Variants in CCDC192 observed in about 807,000 individuals in gnomAD.
CCDC192 encodes coiled-coil domain containing 192, also known as coiled-coil domain-containing protein 192.
At chr5:127,730,848 G>A (rs1031613860) in intron 2 of CCDC192, among the ~76,000 whole-genome samples, 1 of 152,060 alleles carries the variant, frequency 6.6e-6, no homozygotes, top group Non-Finnish European at 1.5e-5. Flanking sequence ...CAATAAACTA[G>A]GTATTGATGG....
chr5:127,828,285 TC>T (rs1374815005), intron 5 of CCDC192, among the ~76,000 whole-genome samples: 1 of 152,182 alleles, frequency 6.6e-6, no homozygotes, highest in Non-Finnish European at 1.5e-5. Flanking sequence ...ATTTAAAGCA[TC>T]CTTCAAGTTC....
intron 5 of CCDC192, among the ~76,000 whole-genome samples, chr5:127,844,840 A>T (rs906165706): frequency 2.0e-5 from 3 of 152,208 alleles, no homozygotes; most frequent in Non-Finnish European, 4.4e-5. Flanking sequence ...TGTCCCTAAA[A>T]TACCAAGAAA....
intron 2 of CCDC192, among the ~76,000 whole-genome samples, chr5:127,740,761 C>G (rs1314061407): frequency 1.3e-5 from 2 of 152,124 alleles, no homozygotes; most frequent in East Asian, 1.9e-4. Context: ...AAGCCACAAT[C>G]AACTTGGGCA....
chr5:127,910,264 A>G (rs1302661275), intron 6 of CCDC192, among the ~76,000 whole-genome samples: 1 of 152,204 alleles, frequency 6.6e-6, no homozygotes, highest in African/African-American at 2.4e-5. Flanking sequence ...AAACAAGATC[A>G]CTGCTTGGTG....
intron 2 of CCDC192, among the ~76,000 whole-genome samples, chr5:127,709,227 GAGAGAGAGAGAGAGAGAGAGAAA>G: frequency 3.8e-5 from 1 of 26,540 alleles, no homozygotes. Context: ...GAGAGAGAGA[GAGAGAGAGAGAGAGAGAGAGAAA>G]TGCTACACAC....
At chr5:127,776,642 C>T (rs1330914522) in intron 3 of CCDC192, among the ~76,000 whole-genome samples, 1 of 152,204 alleles carries the variant, frequency 6.6e-6, no homozygotes, top group African/African-American at 2.4e-5. Flanking sequence ...CAGACCCTTC[C>T]ATCACACGCA....
intron 2 of CCDC192, among the ~76,000 whole-genome samples, chr5:127,738,840 T>G (rs544441265): frequency 2.0e-5 from 3 of 152,310 alleles, no homozygotes; most frequent in Non-Finnish European, 2.9e-5. Context: ...TTCTAAATTT[T>G]TTTCAGTTTT....
At chr5:127,760,393 C>A (rs958184620) in intron 3 of CCDC192, among the ~76,000 whole-genome samples, 10 of 151,894 alleles carry the variant, frequency 6.6e-5, no homozygotes, top group African/African-American at 2.2e-4. Flanking sequence ...AATGATTTCC[C>A]ATGGAAACTC....
At chr5:127,819,414 G>A (rs1012750213) in intron 5 of CCDC192, among the ~76,000 whole-genome samples, 2 of 151,996 alleles carry the variant, frequency 1.3e-5, no homozygotes, top group Non-Finnish European at 2.9e-5. Context: ...TCTCAGGTAG[G>A]GTAAATAACC....
chr5:127,757,986 A>G (rs567535967), intron 3 of CCDC192, among the ~76,000 whole-genome samples: 3 of 152,030 alleles, frequency 2.0e-5, no homozygotes, highest in Non-Finnish European at 2.9e-5. Context: ...AGCCGGGTGA[A>G]GTAGAATGAG....
chr5:127,876,497 C>T (rs947507262), intron 6 of CCDC192, among the ~76,000 whole-genome samples: 3 of 152,198 alleles, frequency 2.0e-5, no homozygotes, highest in Non-Finnish European at 2.9e-5. Flanking sequence ...TGACCATACC[C>T]TAGTGTGCCT....
chr5:127,890,782 T>G (rs909862401), intron 6 of CCDC192, among the ~76,000 whole-genome samples: 1 of 152,206 alleles, frequency 6.6e-6, no homozygotes, highest in African/African-American at 2.4e-5. Context: ...ATTTATTTCT[T>G]AAAACTTTCT....
chr5:127,754,494 TACACACAC>T (rs67832481), intron 3 of CCDC192, 119 bp downstream of exon 3: 2 of 311,802 alleles, frequency 6.4e-6, no homozygotes, highest in South Asian at 3.3e-4. Flanking sequence ...CACACACACA[TACACACAC>T]ACACACACAC....
chr5:127,918,127 C>A (rs1447347545), intron 6 of CCDC192, among the ~76,000 whole-genome samples: 1 of 150,414 alleles, frequency 6.6e-6, no homozygotes, highest in African/African-American at 2.5e-5. Context: ...AGAGCAAGAC[C>A]CTGTCTCAAA....
chr5:127,777,782 C>T (rs1381938323), intron 3 of CCDC192, among the ~76,000 whole-genome samples: 1 of 152,160 alleles, frequency 6.6e-6, no homozygotes, highest in Non-Finnish European at 1.5e-5. Context: ...AGTTCTCTTG[C>T]ACAAGCTCTC....
At chr5:127,821,052 C>T (rs1749265560) in intron 5 of CCDC192, among the ~76,000 whole-genome samples, 1 of 152,164 alleles carries the variant, frequency 6.6e-6, no homozygotes, top group Non-Finnish European at 1.5e-5. Flanking sequence ...TATACACACA[C>T]ACTGGAAGCT....
intron 2 of CCDC192, among the ~76,000 whole-genome samples, chr5:127,726,360 C>T (rs1013489452): frequency 1.3e-5 from 2 of 152,140 alleles, no homozygotes; most frequent in African/African-American, 4.8e-5. Flanking sequence ...TTCAGCGACA[C>T]ATTTATTTTT....
intron 6 of CCDC192, among the ~76,000 whole-genome samples, chr5:127,896,260 G>A (rs143112056): frequency 6.8e-4 from 103 of 152,140 alleles, no homozygotes; most frequent in African/African-American, 2.5e-3. Flanking sequence ...GCAACATAGT[G>A]AGACCCCCGT....
chr5:127,785,299 TA>T (rs1756477057), intron 3 of CCDC192: 1 of 481,932 alleles, frequency 2.1e-6, no homozygotes. Flanking sequence ...CAAGACTGCT[TA>T]AAGGGCCAGG....
Sources: gnomAD v4.1 joint callset for allele counts (sites outside exome capture counted in the v4.1 genomes callset) on GRCh38, gnomAD v4.1.1 for gene constraint, MANE v1.5 for transcripts, NCBI Gene and HGNC (gene_info 2026-07-23, HGNC 2026-07-21) for gene names.